CLSTN1: variants seen among roughly 807,000 people sequenced by gnomAD.
CLSTN1 encodes the protein calsyntenin 1, also known as calsyntenin-1.
A neutral mutation model predicts 108.3 loss-of-function variants in CLSTN1; 28 were observed. That is an observed-to-expected ratio of 0.26 (90% CI 0.19 to 0.35). CLSTN1 has a LOEUF of 0.35. Ranked by LOEUF, CLSTN1 falls within the 10% of genes least tolerant of loss-of-function variation. The probability of loss-of-function intolerance (pLI) is 1.00; values close to 1 mark genes in which losing one functional copy is unlikely to be tolerated. For missense variants in CLSTN1, 1,157 were observed against 1,302.6 expected (o/e 0.89, Z 1.72); for synonymous variants, 524 against 534.9 (o/e 0.98, Z 0.28).
intron 9 of CLSTN1, among the ~76,000 whole-genome samples, 190 bp from the exon 10 acceptor site, chr1:9,741,446 C>G (rs902501061): frequency 6.6e-6 from 1 of 152,142 alleles, no homozygotes; most frequent in African/African-American, 2.4e-5. Flanking sequence ...TTCCAAACTA[C>G]GGGGGCTGCA....
chr1:9,801,099 A>G (rs906997887), intron 1 of CLSTN1, among the ~76,000 whole-genome samples: 10 of 151,696 alleles, frequency 6.6e-5, no homozygotes, highest in Non-Finnish European at 1.5e-4. Context: ...ATACAAAATT[A>G]GCTGGGCATG....
intron 1 of CLSTN1, among the ~76,000 whole-genome samples, chr1:9,816,533 C>CT (rs369929448): frequency 0.017 from 2,266 of 134,890 alleles, 56 homozygotes; most frequent in African/African-American, 0.056. Flanking sequence ...AATAAAGCTG[C>CT]TTTAAAAAAA....
At chr1:9,732,026 C>A in intron 16 of CLSTN1, 130 bp from the exon 17 acceptor site, 3 of 917,424 alleles carry the variant, frequency 3.3e-6, no homozygotes, top group South Asian at 3.8e-5. Context: ...TGGGGGCAAA[C>A]GGAGCTACGG....
chr1:9,744,268 C>G lies in CLSTN1; in HGVS notation c.1234+127G>C, dbSNP rs532237763. On this transcript the variant is annotated intron_variant, in intron 8 of 18. Coordinates refer to ENST00000377298, the MANE Select transcript of CLSTN1 (RefSeq NM_001009566.3). ...TAGGGAACCAAGTGCCCCAGGCACACAGCATGGCACATGGCCTACGAGCAC... is the reference window on the plus strand; with the variant it reads ...TAGGGAACCAAGTGCCCCAGGCACAGAGCATGGCACATGGCCTACGAGCAC... The G allele has an allele frequency of 2.9e-4, 403 of 1,374,258 alleles. 6 individuals are homozygous for G. The South Asian group carries it at 5.3e-3, about 18-fold the overall frequency. 85.1% of individuals were successfully genotyped at this position (1,374,258 alleles called of 1,614,324 possible).
intron 1 of CLSTN1, among the ~76,000 whole-genome samples, chr1:9,804,166 G>A (rs1162658083): frequency 6.6e-6 from 1 of 151,792 alleles, no homozygotes; most frequent in African/African-American, 2.4e-5. Context: ...ATCGAGGCCA[G>A]CCTGGCCAAC....
In CLSTN1 at chr1:9,728,988, CA is replaced by C. The variant is rs1424962450; in HGVS notation, c.*1519del. 4 of 152,106 alleles carry C rather than the reference CA, an allele frequency of 2.6e-5. No homozygotes were observed. Among genetic ancestry groups the C allele is most frequent in the Non-Finnish European group, 5.9e-5 (4 of 68,032 alleles). The allele number at this position is 152,106 out of a possible 1,614,324, so 9.4% of individuals were successfully genotyped here. Reference sequence around the variant, plus strand: ...AAACAAGGGAGTGTAGGTTTAAAACCAAAACAGGAGAGAAGACAAACCCCGC... The same window carrying C: ...AAACAAGGGAGTGTAGGTTTAAAACCAAACAGGAGAGAAGACAAACCCCGC... On this transcript the variant is annotated 3_prime_UTR_variant, in exon 19 of 19. Transcript: ENST00000377298.
At position 9,737,691 on chromosome 1, in the gene CLSTN1, G is replaced by A. The variant is rs144745589; in HGVS notation, c.1520-137C>T. The A allele has an allele frequency of 1.5e-5, 11 of 733,830 alleles. No homozygotes were observed. In the East Asian group the frequency reaches 2.6e-4, roughly 18 times the overall value. 45.5% of individuals were successfully genotyped at this position (733,830 alleles called of 1,614,324 possible). ...TTCCCTCGTGATCCCGCTCTGGGAT[G>A]TACCCATCTGGACGCAAGCTTGTAT... On this transcript the variant is annotated intron_variant, in intron 10 of 18. Coordinates refer to ENST00000377298, the MANE Select transcript of CLSTN1 (RefSeq NM_001009566.3).
chr1:9,730,685 G>T lies in CLSTN1; in HGVS notation c.2769C>A (p.Ser923Arg). The stretch of plus-strand genomic sequence containing the variant: ...CTTCCTCTTCCTCCTCCTCCTCACT[G>T]CTGTGCTGGTCCTCATAGGTCTGGC... ...NPMETYEDQH[S>R]SEEEEEEEEE... is the part of the protein sequence containing the mutation. The change falls in exon 19 of 19, where the codon AGC (serine) becomes AGA (arginine). Residue 923 changes from serine (S) to arginine (R), a missense_variant. Physicochemically the swap from Ser to Arg is moderately radical, Grantham distance 110 (BLOSUM62 -1). Coordinates refer to ENST00000377298, the MANE Select transcript of CLSTN1 (RefSeq NM_001009566.3). The surrounding 1 kb of genome is among the most constrained non-coding windows in gnomAD (Gnocchi z 5.6). 6.2e-7 allele frequency: 1 copy of T among 1,607,218 alleles called. No homozygotes were observed.
intron 2 of CLSTN1, among the ~76,000 whole-genome samples, chr1:9,766,965 C>T (rs1652367471): frequency 6.6e-6 from 1 of 152,224 alleles, no homozygotes; most frequent in South Asian, 2.1e-4. Flanking sequence ...TGGCTACCCA[C>T]ACACACATGC....
intron 2 of CLSTN1, among the ~76,000 whole-genome samples, chr1:9,761,299 C>T (rs1295255405): frequency 6.6e-6 from 1 of 152,088 alleles, no homozygotes; most frequent in Non-Finnish European, 1.5e-5. Context: ...TCGAGACCAG[C>T]CTGGCCAACA....
intron 4 of CLSTN1, among the ~76,000 whole-genome samples, chr1:9,753,673 T>C (rs570692108): frequency 1.3e-5 from 2 of 151,982 alleles, no homozygotes; most frequent in African/African-American, 4.8e-5. Flanking sequence ...GTATTTTTAG[T>C]AGAGACAGGG....
rs190560761 is a variant in CLSTN1 at position 9,808,151 on chromosome 1, G to A, written c.91+15492C>T. ...TGAATCCACACATACTCAAGTTGTT[G>A]GTCCTGCAGGACCCAAGTATTCAAA... On this transcript the variant is annotated intron_variant, in intron 1 of 18. Coordinates refer to ENST00000377298, the MANE Select transcript of CLSTN1 (RefSeq NM_001009566.3). 1.1e-4 allele frequency among the ~76,000 whole-genome samples: 16 copies of A among 152,288 alleles called. No homozygotes were observed. In the East Asian group the frequency reaches 3.1e-3, roughly 29 times the overall value.
chr1:9,768,126 C>T (rs1351333945), intron 2 of CLSTN1, among the ~76,000 whole-genome samples: 2 of 152,280 alleles, frequency 1.3e-5, no homozygotes, highest in South Asian at 2.1e-4. Context: ...ACTGGTCCCT[C>T]GGCTCTAGGG....
At chr1:9,797,161 G>A (rs892559477) in intron 1 of CLSTN1, among the ~76,000 whole-genome samples, 4 of 152,122 alleles carry the variant, frequency 2.6e-5, no homozygotes, top group African/African-American at 9.7e-5. Context: ...TAAAACCTTG[G>A]CCCCATCTGA....
At chr1:9,813,096 T>C (rs1654830761) in intron 1 of CLSTN1, among the ~76,000 whole-genome samples, 1 of 152,062 alleles carries the variant, frequency 6.6e-6, no homozygotes, top group South Asian at 2.1e-4. Flanking sequence ...ACCCAGGAAG[T>C]GGAGGTTGCA....
rs190701142 is a variant in CLSTN1 at position 9,785,026 on chromosome 1, C to A, written c.92-11632G>T. ...TTTTTTTTTTTTTGAGAGTCTTGCTCTGTCACCCAGGCTGAAGTGAAATAA... is the reference window on the plus strand; with the variant it reads ...TTTTTTTTTTTTTGAGAGTCTTGCTATGTCACCCAGGCTGAAGTGAAATAA... On this transcript the variant is annotated intron_variant, in intron 1 of 18. Transcript: ENST00000377298. Among the ~76,000 whole-genome samples, 17 of 142,590 alleles carry A rather than the reference C, an allele frequency of 1.2e-4. No homozygotes were observed. The Admixed American group carries it at 1.2e-3, about 10-fold the overall frequency. The allele number at this position is 142,590 out of a possible 152,430, so 93.5% of individuals were successfully genotyped here. A position where few individuals can be genotyped will look rare whatever the true frequency, so the allele number is the denominator to read the frequency against.
At chr1:9,740,786 C>T (rs750150216) in intron 10 of CLSTN1, among the ~76,000 whole-genome samples, 12 of 152,148 alleles carry the variant, frequency 7.9e-5, no homozygotes, top group Admixed American at 2.0e-4. Flanking sequence ...TTTCAATAAA[C>T]GGATTAATTT....
In CLSTN1 at chr1:9,823,903, G is replaced by T; in HGVS notation, c.-170C>A. ...GCCGTGACGCTGGGCCGCGCGCTCA[G>T]GACGCGGCGCCCTCCCCGCCTCAGA... On this transcript the variant is annotated 5_prime_UTR_variant, in exon 1 of 19. In the 5' UTR this introduces an upstream ATG that the reference lacks. Coordinates refer to ENST00000377298, the MANE Select transcript of CLSTN1 (RefSeq NM_001009566.3). This position sits in a 1 kb window ranked among gnomAD's most constrained non-coding sequence, Gnocchi z 6.3. The T allele has an allele frequency of 5.6e-6, 1 of 177,640 alleles. No individual in the cohort carries two copies. The highest frequency in any genetic ancestry group is 1.8e-4 in the South Asian group (1 of 5,548). The allele number at this position is 177,640 out of a possible 1,614,324, so 11.0% of individuals were successfully genotyped here.
rs570977175 is a variant in CLSTN1 at position 9,772,024 on chromosome 1, T to G, written c.214+1248A>C. Among the ~76,000 whole-genome samples the G allele has an allele frequency of 2.6e-5, 4 of 151,350 alleles. No homozygotes were observed. In the South Asian group the frequency reaches 8.4e-4, roughly 32 times the overall value. ...CAGAGTCTCACTCTGTCGCCCAGGCTGGAGTGCAGTGGCGCGATCTCGGCT... is the reference window on the plus strand; with the variant it reads ...CAGAGTCTCACTCTGTCGCCCAGGCGGGAGTGCAGTGGCGCGATCTCGGCT... On this transcript the variant is annotated intron_variant, in intron 2 of 18. Transcript: ENST00000377298.
Sources: allele counts gnomAD v4.1 joint callset (sites outside exome capture counted in the v4.1 genomes callset), GRCh38; gene constraint gnomAD v4.1.1; non-coding constraint Gnocchi (gnomAD v3.1); transcripts MANE v1.5; gene names NCBI Gene and HGNC (gene_info 2026-07-23, HGNC 2026-07-21).